NREP: variants seen among roughly 807,000 people sequenced by gnomAD.
NREP encodes the protein neuronal regeneration related protein.
In NREP, 5 loss-of-function variants were observed where a neutral mutation model predicts 8.6. The ratio of observed to expected loss-of-function variants is 0.58; its 90% CI spans 0.30 to 1.22. The LOEUF is 1.22. NREP is among the 50% of genes most tolerant of loss of function. The pLI is 0.07. For missense variants in NREP, 86 were observed against 82.5 expected (o/e 1.04, Z -0.17); for synonymous variants, 27 against 28.0 (o/e 0.96, Z 0.11).
At chr5:111,880,111 A>G (rs1292493050) in intron 2 of NREP, among the ~76,000 whole-genome samples, 3 of 152,314 alleles carry the variant, frequency 2.0e-5, no homozygotes, top group African/African-American at 7.2e-5. Context: ...GCCAGGGTGC[A>G]TAGGTTTGAA....
At position 111,951,886 on chromosome 5, in the gene NREP, T is replaced by C. The variant is rs762636319; in HGVS notation, c.135+23388A>G. Among the ~76,000 whole-genome samples, 26 of 152,026 alleles carry C rather than the reference T, an allele frequency of 1.7e-4. 1 individual carries two copies. The highest frequency in any genetic ancestry group is 2.6e-4 in the Admixed American group (4 of 15,248). On this transcript the variant is annotated intron_variant, in intron 2 of 3. Transcript: ENST00000395634. ...TGTTTTCGGGTAATACTAGAAATAA[T>C]AGAGCAATCATATAACTGTACCAAG...
chr5:111,974,725 C>G (rs1756914063), intron 2 of NREP, among the ~76,000 whole-genome samples: 1 of 152,192 alleles, frequency 6.6e-6, no homozygotes, highest in Non-Finnish European at 1.5e-5. Context: ...AATTCTTACT[C>G]AGCTAAAATG....
At chr5:111,947,242 G>A (rs1002363933) in intron 2 of NREP, among the ~76,000 whole-genome samples, 4 of 151,934 alleles carry the variant, frequency 2.6e-5, no homozygotes, top group Non-Finnish European at 5.9e-5. Context: ...CATTGTCTTA[G>A]GAGATCCTAC....
At chr5:111,858,437 C>T (rs1753472625) in intron 2 of NREP, among the ~76,000 whole-genome samples, 1 of 152,132 alleles carries the variant, frequency 6.6e-6, no homozygotes, top group Non-Finnish European at 1.5e-5. Context: ...GTCTTGGTAG[C>T]ATCTGTGTTC....
chr5:111,890,277 G>C (rs1581195749), intron 2 of NREP, among the ~76,000 whole-genome samples: 1 of 152,284 alleles, frequency 6.6e-6, no homozygotes, highest in East Asian at 1.9e-4. Flanking sequence ...TGTTGTAAGG[G>C]GTGAATTCTC....
At chr5:111,857,514 A>G (rs1753451400) in intron 2 of NREP, among the ~76,000 whole-genome samples, 1 of 152,182 alleles carries the variant, frequency 6.6e-6, no homozygotes, top group Non-Finnish European at 1.5e-5. Context: ...AGTAGTCTTA[A>G]GCTTCCTGAG....
chr5:111,744,063 T>C (rs981204742), intron 2 of NREP, among the ~76,000 whole-genome samples: 3 of 152,174 alleles, frequency 2.0e-5, no homozygotes, highest in Non-Finnish European at 2.9e-5. Context: ...TTAGTTGCTT[T>C]GAAGAGTCTG....
chr5:111,817,606 C>T (rs983628949), intron 2 of NREP, among the ~76,000 whole-genome samples: 1 of 151,924 alleles, frequency 6.6e-6, no homozygotes. Context: ...GAGATCGAGA[C>T]CATTCTGGCT....
chr5:111,965,971 A>G (rs1166686241), intron 2 of NREP, among the ~76,000 whole-genome samples: 1 of 152,212 alleles, frequency 6.6e-6, no homozygotes, highest in East Asian at 1.9e-4. Flanking sequence ...CCCCAGGTTA[A>G]CAGGCTGCAA....
chr5:111,863,248 A>G (rs1654583318), intron 2 of NREP, among the ~76,000 whole-genome samples: 1 of 152,106 alleles, frequency 6.6e-6, no homozygotes, highest in South Asian at 2.1e-4. Context: ...TTAGACATGG[A>G]GAGTGAGTAA....
intron 2 of NREP, among the ~76,000 whole-genome samples, chr5:111,915,387 C>T (rs1755028269): frequency 6.6e-6 from 1 of 152,008 alleles, no homozygotes; most frequent in African/African-American, 2.4e-5. Context: ...GCAGAGTTAA[C>T]CTCTAGGGAA....
chr5:111,913,383 G>A (rs1204239610), intron 2 of NREP, among the ~76,000 whole-genome samples: 1 of 152,038 alleles, frequency 6.6e-6, no homozygotes. Context: ...CATTACAGCA[G>A]ACTAGGTTGC....
At chr5:111,839,926 C>T (rs781508760) in intron 2 of NREP, among the ~76,000 whole-genome samples, 18 of 152,042 alleles carry the variant, frequency 1.2e-4, no homozygotes, top group Non-Finnish European at 2.1e-4. Context: ...AGGAGTGTGG[C>T]AGACACTTGG....
chr5:111,931,046 T>C (rs1042205637), intron 2 of NREP, among the ~76,000 whole-genome samples: 1 of 152,020 alleles, frequency 6.6e-6, no homozygotes, highest in Non-Finnish European at 1.5e-5. Context: ...CAGAAAGAAT[T>C]TGGATCTTTG....
chr5:111,887,069 G>T (rs1361220063), intron 2 of NREP, among the ~76,000 whole-genome samples: 2 of 151,810 alleles, frequency 1.3e-5, no homozygotes, highest in Admixed American at 1.3e-4. Context: ...GACTACAGGT[G>T]CATGCCACTA....
At chr5:111,959,878 T>C (rs939879092) in intron 2 of NREP, among the ~76,000 whole-genome samples, 1 of 152,072 alleles carries the variant, frequency 6.6e-6, no homozygotes, top group Non-Finnish European at 1.5e-5. Context: ...ATCAACTTCA[T>C]GTATTATATG....
chr5:111,842,959 C>G (rs2112951057), intron 2 of NREP, among the ~76,000 whole-genome samples: 1 of 152,242 alleles, frequency 6.6e-6, no homozygotes, highest in East Asian at 1.9e-4. Flanking sequence ...CGACAAGTTG[C>G]TTTTCTCTCG....
intron 2 of NREP, among the ~76,000 whole-genome samples, chr5:111,925,716 T>C (rs1755366047): frequency 1.3e-5 from 2 of 152,208 alleles, no homozygotes; most frequent in African/African-American, 4.8e-5. Context: ...ATCTGGTCTT[T>C]GATCTGTTGT....
chr5:111,962,308 A>AGGT, intron 2 of NREP, among the ~76,000 whole-genome samples: 1 of 152,216 alleles, frequency 6.6e-6, no homozygotes, highest in East Asian at 1.9e-4. Flanking sequence ...TCACTGATGT[A>AGGT]GATGACTGAG....
Sources: gnomAD v4.1 joint callset for allele counts (sites outside exome capture counted in the v4.1 genomes callset) on GRCh38, gnomAD v4.1.1 for gene constraint, MANE v1.5 for transcripts, NCBI Gene and HGNC (gene_info 2026-07-23, HGNC 2026-07-21) for gene names.